The following RYR2 variants were observed in gnomAD, a reference collection of about 807,000 sequenced individuals.
The protein encoded by RYR2 is cardiac muscle ryanodine receptor-calcium release channel.
RYR2 carries 227 observed loss-of-function variants against 601.1 expected under a neutral mutation model. That is an observed-to-expected ratio of 0.38 (90% CI 0.34 to 0.42). The LOEUF (loss-of-function observed/expected upper bound fraction) is 0.42. Ranked by LOEUF, RYR2 falls within the 10% of genes least tolerant of loss-of-function variation. RYR2 has a pLI of 1.00. For synonymous variants in RYR2, 2,223 were observed against 2,175.1 expected (o/e 1.02, Z -0.61); for missense variants, 4,646 against 6,156.5 (o/e 0.75, Z 8.21).
At chr1:237,710,488 A>G (rs1447007297) in intron 70 of RYR2, among the ~76,000 whole-genome samples, 1 of 152,190 alleles carries the variant, frequency 6.6e-6, no homozygotes, top group Non-Finnish European at 1.5e-5. Flanking sequence ...CAAACTTAAT[A>G]GCAAACTTTA....
chr1:237,658,114 A>C lies in RYR2; in HGVS notation c.8208+92A>C, dbSNP rs183232934. The C allele has an allele frequency of 8.2e-5, 55 of 667,390 alleles. No individual in the cohort carries two copies. The African/African-American group carries it at 8.9e-4, about 11-fold the overall frequency. The allele number at this position is 667,390 out of a possible 1,614,324, so 41.3% of individuals were successfully genotyped here. ...TGACCATGACAGTTTTCTGTTTTAAAATGAGAACTTGATCTAAATTAGGAA... is the reference window on the plus strand; with the variant it reads ...TGACCATGACAGTTTTCTGTTTTAACATGAGAACTTGATCTAAATTAGGAA... On this transcript the variant is annotated intron_variant, in intron 54 of 104. Coordinates refer to ENST00000366574, the MANE Select transcript of RYR2 (RefSeq NM_001035.3).
chr1:237,345,474 T>TAAAAA (rs890907449), intron 3 of RYR2, among the ~76,000 whole-genome samples: 1 of 145,466 alleles, frequency 6.9e-6, no homozygotes, highest in Non-Finnish European at 1.5e-5. Context: ...AAATAAAAAA[T>TAAAAA]AAAAAATAAA....
At chr1:237,791,228 A>T (rs1285130636) in intron 92 of RYR2, among the ~76,000 whole-genome samples, 1 of 152,172 alleles carries the variant, frequency 6.6e-6, no homozygotes, top group Non-Finnish European at 1.5e-5. Context: ...ACTTGCGGGT[A>T]TGCTTTTTTA....
chr1:237,650,153 T>G, intron 50 of RYR2, 56 bp downstream of exon 50: 9 of 1,471,020 alleles, frequency 6.1e-6, no homozygotes, highest in Non-Finnish European at 8.5e-6. Context: ...GAATTTACAA[T>G]GTGGCCTTTG....
chr1:237,520,721 C>T (rs1462795085), intron 24 of RYR2, among the ~76,000 whole-genome samples: 1 of 152,118 alleles, frequency 6.6e-6, no homozygotes, highest in Non-Finnish European at 1.5e-5. Context: ...AAAACCTGAA[C>T]AGAGCAATAA....
At position 237,331,149 on chromosome 1, in the gene RYR2, G is replaced by A. The variant is rs911816494; in HGVS notation, c.273+167G>A. ...TTCTGCTTTATCTAGCATATTTGTG[G>A]TGTCTTGAAAACTAAAAAAATATAT... is the stretch of plus-strand genomic sequence containing the variant. On this transcript the variant is annotated intron_variant, in intron 3 of 104. Transcript: ENST00000366574. 3.3e-5 allele frequency among the ~76,000 whole-genome samples: 5 copies of A among 152,102 alleles called. 1 individual carries two copies. Among genetic ancestry groups the A allele is most frequent in the African/African-American group, 1.2e-4 (5 of 41,412 alleles).
intron 1 of RYR2, among the ~76,000 whole-genome samples, chr1:237,253,606 T>G (rs1214430933): frequency 1.3e-5 from 2 of 152,242 alleles, no homozygotes; most frequent in Non-Finnish European, 2.9e-5. Flanking sequence ...CTGTGTAAAC[T>G]GAATGAAAAC....
intron 1 of RYR2, among the ~76,000 whole-genome samples, chr1:237,139,512 C>G (rs1437385789): frequency 6.6e-6 from 1 of 152,106 alleles, no homozygotes; most frequent in African/African-American, 2.4e-5. Context: ...TATCTCAAGC[C>G]ATTATTTAAA....
At chr1:237,827,555 A>C (rs1260847862) in intron 101 of RYR2, among the ~76,000 whole-genome samples, 1 of 147,604 alleles carries the variant, frequency 6.8e-6, no homozygotes, top group African/African-American at 2.5e-5. Flanking sequence ...GCTTGAGCCC[A>C]GGAGGTTGAG....
At position 237,724,069 on chromosome 1, in the gene RYR2, C is replaced by T. The variant is rs531083860; in HGVS notation, c.10689+807C>T. Among the ~76,000 whole-genome samples the T allele has an allele frequency of 1.3e-4, 19 of 151,512 alleles. No individual in the cohort carries two copies. In the South Asian group the frequency reaches 2.7e-3, roughly 22 times the overall value. ...CTTGACCATCTGATCTGTCACAGGG[C>T]TCTTATGACAGATCATACTGTTGAT... On this transcript the variant is annotated intron_variant, in intron 74 of 104. Coordinates refer to ENST00000366574, the MANE Select transcript of RYR2 (RefSeq NM_001035.3).
intron 1 of RYR2, among the ~76,000 whole-genome samples, chr1:237,196,181 G>A (rs1680542519): frequency 6.6e-6 from 1 of 152,082 alleles, no homozygotes; most frequent in African/African-American, 2.4e-5. Context: ...TCATGTTCTA[G>A]TAACAAATTA....
chr1:237,657,849 A>C, intron 53 of RYR2, 95 bp from the exon 54 acceptor site: 2 of 619,618 alleles, frequency 3.2e-6, no homozygotes, highest in Non-Finnish European at 5.5e-6. Context: ...AAATTGAATG[A>C]GATATAAGCA....
At chr1:237,514,919 G>A (rs1040188648) in intron 24 of RYR2, among the ~76,000 whole-genome samples, 8 of 152,156 alleles carry the variant, frequency 5.3e-5, no homozygotes, top group African/African-American at 1.4e-4. Flanking sequence ...ATATATCATG[G>A]GAGGGATGAA....
chr1:237,102,375 C>T (rs573400868), intron 1 of RYR2, among the ~76,000 whole-genome samples: 1 of 152,294 alleles, frequency 6.6e-6, no homozygotes, highest in African/African-American at 2.4e-5. Flanking sequence ...GGCACACACA[C>T]ATACACAGCA....
chr1:237,531,323 C>G (rs1395934441), intron 25 of RYR2, among the ~76,000 whole-genome samples: 2 of 152,112 alleles, frequency 1.3e-5, no homozygotes, highest in Non-Finnish European at 2.9e-5. Flanking sequence ...AAGACCTCAC[C>G]TTTCTCATCT....
In RYR2 at chr1:237,784,991, A is replaced by G; in HGVS notation, c.13260+19A>G. ...ATTTCAGGTAATTTATCTCTAAGTC[A>G]CAGCAGCATTCTCTCTGGACTTCAG... On this transcript the variant is annotated intron_variant, in intron 90 of 104. Transcript: ENST00000366574. The surrounding 1 kb of genome is among the most constrained non-coding windows in gnomAD (Gnocchi z 7.1). 1 of 1,512,630 alleles carries G rather than the reference A, an allele frequency of 6.6e-7. No individual in the cohort carries two copies. Among genetic ancestry groups the G allele is most frequent in the Non-Finnish European group, 9.0e-7 (1 of 1,112,590 alleles). 93.7% of individuals were successfully genotyped at this position (1,512,630 alleles called of 1,614,324 possible).
chr1:237,246,640 T>C (rs1027290999), intron 1 of RYR2, among the ~76,000 whole-genome samples: 7 of 152,206 alleles, frequency 4.6e-5, no homozygotes, highest in African/African-American at 1.2e-4. Flanking sequence ...TTCTTCACTT[T>C]GTTGGATGCC....
chr1:237,491,492 G>T (rs547685043), intron 17 of RYR2, among the ~76,000 whole-genome samples: 7 of 152,108 alleles, frequency 4.6e-5, no homozygotes, highest in African/African-American at 1.4e-4. Context: ...GGTCATGAAC[G>T]TATTCTTTAA....
At chr1:237,096,258 C>T (rs954498451) in intron 1 of RYR2, among the ~76,000 whole-genome samples, 5 of 152,208 alleles carry the variant, frequency 3.3e-5, no homozygotes, top group Non-Finnish European at 4.4e-5. Flanking sequence ...TCTGGGAAAT[C>T]TCTTCCTGGG....
Sources: gnomAD v4.1 joint callset for allele counts (sites outside exome capture counted in the v4.1 genomes callset) on GRCh38, gnomAD v4.1.1 for gene constraint, Gnocchi (gnomAD v3.1) non-coding constraint, MANE v1.5 for transcripts, NCBI Gene and HGNC (gene_info 2026-07-23, HGNC 2026-07-21) for gene names.